Variants in DNM3 observed in about 807,000 individuals in gnomAD.
DNM3 encodes dynamin-3.
DNM3 carries 47 observed loss-of-function variants against 101.6 expected under a neutral mutation model. That is an observed-to-expected ratio of 0.46 (90% CI 0.37 to 0.59). The LOEUF is 0.59. Ranked by LOEUF, DNM3 falls within the 20% of genes least tolerant of loss-of-function variation. The pLI, the probability that DNM3 is intolerant of heterozygous loss-of-function variation, is 0.00. For synonymous variants in DNM3, 385 were observed against 387.9 expected (o/e 0.99, Z 0.09); for missense variants, 849 against 1,085.7 (o/e 0.78, Z 3.06).
chr1:171,995,712 A>G (rs554163429), intron 4 of DNM3, among the ~76,000 whole-genome samples: 1 of 152,256 alleles, frequency 6.6e-6, no homozygotes, highest in South Asian at 2.1e-4. Context: ...GATTTGGTTG[A>G]CTGTGCAAGT....
chr1:171,925,783 G>C (rs975478973), intron 2 of DNM3, among the ~76,000 whole-genome samples: 2 of 152,066 alleles, frequency 1.3e-5, no homozygotes, highest in African/African-American at 4.8e-5. Context: ...CTTTTCCTAG[G>C]CTGATGTCTG....
intron 14 of DNM3, among the ~76,000 whole-genome samples, chr1:172,205,537 T>A (rs909053105): frequency 1.3e-5 from 2 of 152,112 alleles, no homozygotes; most frequent in Admixed American, 6.6e-5. Context: ...TTATATGTTA[T>A]CCTAAGTGAT....
At chr1:172,149,517 G>C (rs898792956) in intron 14 of DNM3, among the ~76,000 whole-genome samples, 1 of 152,134 alleles carries the variant, frequency 6.6e-6, no homozygotes, top group African/African-American at 2.4e-5. Context: ...TTTTAAGTGA[G>C]AGCATACTAG....
intron 4 of DNM3, among the ~76,000 whole-genome samples, chr1:172,023,784 T>C (rs992652270): frequency 6.6e-6 from 1 of 152,030 alleles, no homozygotes; most frequent in Non-Finnish European, 1.5e-5. Context: ...TTTTCTCTCT[T>C]TGGAATGTCA....
In DNM3 at chr1:172,132,981, A is replaced by G; in HGVS notation, c.1659+1693A>G. ...ATTTGAACCCAGGCTGTTGAGCTCC[A>G]GAGCCTATGCTTTCAACCACAAATA... On this transcript the variant is annotated intron_variant, in intron 14 of 20. Coordinates refer to ENST00000627582, the MANE Select transcript of DNM3 (RefSeq NM_015569.5). The G allele has an allele frequency of 1.9e-6, 3 of 1,540,010 alleles. 1 individual carries two copies.
Position 172,409,802 on chromosome 1 carries a change from T to TTA in DNM3, c.*1966_*1967dup. The TTA allele has an allele frequency of 1.0e-6, 1 of 985,766 alleles. No individual in the cohort carries two copies. The highest frequency in any genetic ancestry group is 1.2e-6 in the Non-Finnish European group (1 of 829,872). The allele number at this position is 985,766 out of a possible 1,614,324, so 61.1% of individuals were successfully genotyped here. A position where few individuals can be genotyped will look rare whatever the true frequency, so the allele number is the denominator to read the frequency against. On this transcript the variant is annotated 3_prime_UTR_variant, in exon 21 of 21. Coordinates refer to ENST00000627582, the MANE Select transcript of DNM3 (RefSeq NM_015569.5). Reference sequence around the variant, plus strand: ...TTCTCTAAAATAGGCAGCTAACGGATTATATACTTCAGGGTTTGGCTTTGT... The same window carrying TTA: ...TTCTCTAAAATAGGCAGCTAACGGATTATATATACTTCAGGGTTTGGCTTTGT...
chr1:172,093,538 T>C (rs944532936), intron 13 of DNM3, among the ~76,000 whole-genome samples: 1 of 152,218 alleles, frequency 6.6e-6, no homozygotes, highest in African/African-American at 2.4e-5. Flanking sequence ...GATGGTGTTA[T>C]AGTTTTTAAA....
At chr1:172,319,360 A>G (rs1315587172) in intron 16 of DNM3, among the ~76,000 whole-genome samples, 1 of 152,182 alleles carries the variant, frequency 6.6e-6, no homozygotes, top group Non-Finnish European at 1.5e-5. Flanking sequence ...ACCAAAAGCA[A>G]TGGCAACAAA....
intron 1 of DNM3, among the ~76,000 whole-genome samples, chr1:171,875,180 T>A (rs183924138): frequency 1.7e-3 from 259 of 152,340 alleles, no homozygotes; most frequent in Middle Eastern, 3.4e-3. Flanking sequence ...TTTGGGTATA[T>A]GCCCAGTAAT....
chr1:172,297,161 T>C (rs887264883), intron 15 of DNM3, among the ~76,000 whole-genome samples: 1 of 140,762 alleles, frequency 7.1e-6, no homozygotes, highest in Admixed American at 7.1e-5. Context: ...AAAAAAAAAA[T>C]AGCATCTTAT....
chr1:172,107,508 C>A (rs978277023), intron 13 of DNM3, among the ~76,000 whole-genome samples: 3 of 152,096 alleles, frequency 2.0e-5, no homozygotes, highest in African/African-American at 4.8e-5. Context: ...TATTATCCGG[C>A]GAGAACTCTG....
chr1:172,294,312 T>TA (rs1260524918), intron 15 of DNM3, among the ~76,000 whole-genome samples: 1 of 152,152 alleles, frequency 6.6e-6, no homozygotes, highest in Non-Finnish European at 1.5e-5. Flanking sequence ...AGGTTTTCTA[T>TA]AAAAAGTTTA....
intron 17 of DNM3, among the ~76,000 whole-genome samples, chr1:172,328,739 C>T (rs1420001050): frequency 1.3e-5 from 2 of 152,170 alleles, no homozygotes; most frequent in Non-Finnish European, 2.9e-5. Context: ...AACCCTGTGT[C>T]ATGCAATTAA....
intron 14 of DNM3, among the ~76,000 whole-genome samples, chr1:172,135,994 G>T (rs945074666): frequency 3.3e-5 from 5 of 152,026 alleles, no homozygotes; most frequent in Admixed American, 6.6e-5. Context: ...CTATAGCCCA[G>T]TGTGTAAAGA....
At chr1:172,251,158 C>CA (rs2062153805) in intron 14 of DNM3, among the ~76,000 whole-genome samples, 1 of 152,188 alleles carries the variant, frequency 6.6e-6, no homozygotes, top group African/African-American at 2.4e-5. Flanking sequence ...CATTATTAGG[C>CA]AGTCATAGAA....
chr1:172,352,428 G>T (rs1392583965), intron 17 of DNM3, among the ~76,000 whole-genome samples: 2 of 152,080 alleles, frequency 1.3e-5, no homozygotes, highest in African/African-American at 4.8e-5. Flanking sequence ...CTAGTCCTCT[G>T]TGTCAGCTGT....
chr1:172,271,217 AC>A (rs982107906), intron 15 of DNM3, among the ~76,000 whole-genome samples: 1 of 152,106 alleles, frequency 6.6e-6, no homozygotes, highest in African/African-American at 2.4e-5. Context: ...GAGTATTTAT[AC>A]CAGAAAACTA....
rs187432208 is a variant in DNM3, at chr1:172,264,806, T to C, written c.1769+11124T>C. On this transcript the variant is annotated intron_variant, in intron 15 of 20. Coordinates refer to ENST00000627582, the MANE Select transcript of DNM3 (RefSeq NM_015569.5). ...CTATATCTATAACAGTTAAATGCCTTCCTAATGTCACAAAAACAGTTAATG... is the reference window on the plus strand; with the variant it reads ...CTATATCTATAACAGTTAAATGCCTCCCTAATGTCACAAAAACAGTTAATG... 7.4e-4 allele frequency among the ~76,000 whole-genome samples: 113 copies of C among 152,306 alleles called. 1 individual carries two copies. The highest frequency in any genetic ancestry group is 3.6e-3 in the Admixed American group (55 of 15,292).
chr1:172,151,689 G>T (rs1047094029), intron 14 of DNM3, among the ~76,000 whole-genome samples: 3 of 152,094 alleles, frequency 2.0e-5, no homozygotes, highest in Admixed American at 2.0e-4. Context: ...GAGAATATGT[G>T]GGGTGGTCTC....
Sources: gnomAD v4.1 joint callset for allele counts (sites outside exome capture counted in the v4.1 genomes callset) on GRCh38, gnomAD v4.1.1 for gene constraint, MANE v1.5 for transcripts, NCBI Gene and HGNC (gene_info 2026-07-23, HGNC 2026-07-21) for gene names.